Variants in IL17REL observed in about 807,000 individuals in gnomAD.
IL17REL encodes interleukin-17 receptor E-like protein.
Under a neutral mutation model 49.0 loss-of-function variants are expected in IL17REL, and 36 were observed. The ratio of observed to expected loss-of-function variants is 0.73; its 90% confidence interval spans 0.56 to 0.97. The LOEUF (loss-of-function observed/expected upper bound fraction) is 0.97, where lower values mean the gene tolerates loss of function less well. Ranked by LOEUF, IL17REL falls within the 50% of genes least tolerant of loss-of-function variation. The pLI, the probability that IL17REL is intolerant of heterozygous loss-of-function variation, is 0.00. For missense variants in IL17REL, 470 were observed against 453.9 expected (o/e 1.04, Z -0.32); for synonymous variants, 206 against 192.4 (o/e 1.07, Z -0.58).
chr22:49,999,807 G>C, intron 5 of IL17REL, 21 bp downstream of exon 7: 1 of 1,486,636 alleles, frequency 6.7e-7, no homozygotes, highest in Non-Finnish European at 9.0e-7. Context: ...GCTGACCGGG[G>C]CCCGGGGCGC....
chr22:50,005,535 C>T (rs1286115168), intron 1 of IL17REL, among the ~76,000 whole-genome samples: 1 of 152,142 alleles, frequency 6.6e-6, no homozygotes, highest in Non-Finnish European at 1.5e-5. Context: ...GGCGCGGTGG[C>T]TCACGCCTGT....
chr22:50,001,201 C>T (rs745893301), exon 2 of IL17REL: 10 of 1,553,430 alleles, frequency 6.4e-6, no homozygotes, highest in Middle Eastern at 1.7e-4. Flanking sequence ...GGACACGGGG[C>T]GTGGCCGGCA....
chr22:50,007,551 G>T (rs2061116818), intron 1 of IL17REL, among the ~76,000 whole-genome samples: 1 of 151,862 alleles, frequency 6.6e-6, no homozygotes, highest in African/African-American at 2.4e-5. Flanking sequence ...TTTTGGGGGG[G>T]GGATTCTTAG....
chr22:50,012,155 A>G (rs1041161408), upstream of IL17REL, among the ~76,000 whole-genome samples: 6 of 152,132 alleles, frequency 3.9e-5, no homozygotes, highest in Non-Finnish European at 7.4e-5. Flanking sequence ...CATTCTCAGC[A>G]CGTTCTCCGA....
At chr22:50,002,917 A>C (rs1162146412) in intron 1 of IL17REL, among the ~76,000 whole-genome samples, 1 of 152,178 alleles carries the variant, frequency 6.6e-6, no homozygotes, top group Non-Finnish European at 1.5e-5. Context: ...TTTCAAGACA[A>C]GTGGGCGTGA....
rs200958270 is a variant in IL17REL, at chr22:49,999,850, T to C, written c.452A>G (p.Glu151Gly). 10,383 of 1,523,566 alleles carry C rather than the reference T, an allele frequency of 6.8e-3. 94 individuals are homozygous for C. The highest frequency in any genetic ancestry group is 0.021 in the South Asian group (1,678 of 80,984). 94.4% of individuals were successfully genotyped at this position (1,523,566 alleles called of 1,614,324 possible). ...CACTCGCACAGGGGCGCCGGCGTCCTCGCAGGTGAACCGCTTGAGGCAGAG... is the reference window on the plus strand; with the variant it reads ...CACTCGCACAGGGGCGCCGGCGTCCCCGCAGGTGAACCGCTTGAGGCAGAG... Residue 151 changes from glutamate to glycine, a missense_variant, in exon 5 of 13, where the codon GAG becomes GGG. Transcript: ENST00000341280.
At chr22:49,994,419 G>A (rs2061021745), downstream of IL17REL, 1 of 152,300 alleles carries the variant, frequency 6.6e-6, no homozygotes, top group Non-Finnish European at 1.5e-5. Context: ...ACGCCTTTGG[G>A]GTGCTCTTGG....
exon 12 of IL17REL, chr22:49,997,029 T>A: frequency 6.4e-7 from 1 of 1,553,252 alleles, no homozygotes; most frequent in African/African-American, 1.4e-5. Context: ...GCCTCCTCCC[T>A]GGGAAGGTCT....
At chr22:50,005,979 G>A (rs947309085) in intron 1 of IL17REL, among the ~76,000 whole-genome samples, 4 of 151,980 alleles carry the variant, frequency 2.6e-5, no homozygotes, top group African/African-American at 9.7e-5. Context: ...TCCTAGAAAC[G>A]TAGGAGAGCT....
downstream of IL17REL, among the ~76,000 whole-genome samples, chr22:49,994,011 C>T (rs1601882361): frequency 6.6e-6 from 1 of 151,924 alleles, no homozygotes; most frequent in African/African-American, 2.4e-5. Context: ...CCACTGTGCC[C>T]CTGACCTCCC....
chr22:49,998,679 G>A (rs2061053095), intron 7 of IL17REL, among the ~76,000 whole-genome samples: 1 of 150,014 alleles, frequency 6.7e-6, no homozygotes, highest in Non-Finnish European at 1.5e-5. Context: ...GTGTGCGTGA[G>A]TGTGCCTGCC....
rs1169207390 is a variant in IL17REL at position 49,996,798 on chromosome 22, C to T, written c.*107G>A. 1.2e-5 allele frequency: 6 copies of T among 512,520 alleles called. No individual in the cohort carries two copies. In the East Asian group the frequency reaches 2.0e-4, roughly 17 times the overall value. The allele number at this position is 512,520 out of a possible 1,614,324, so 31.7% of individuals were successfully genotyped here. On this transcript the variant is annotated 3_prime_UTR_variant, in exon 13 of 13. Transcript: ENST00000341280. ...TCCTGCGGCCCCTGAGAGATGGGCACCCACTGGAGCGGAGGTTGCAGAGCT... is the reference window on the plus strand; with the variant it reads ...TCCTGCGGCCCCTGAGAGATGGGCATCCACTGGAGCGGAGGTTGCAGAGCT...
chr22:50,012,264 G>A (rs1216788392), upstream of IL17REL, among the ~76,000 whole-genome samples: 2 of 152,252 alleles, frequency 1.3e-5, no homozygotes, highest in Non-Finnish European at 2.9e-5. Flanking sequence ...GGATGGGCTT[G>A]CGGGCTGCCC....
At chr22:49,999,380 A>G (rs375620326) in intron 6 of IL17REL, 35 bp from the exon 9 acceptor site, 11 of 1,612,612 alleles carry the variant, frequency 6.8e-6, no homozygotes, top group African/African-American at 6.7e-5. Context: ...CAGCCCACCC[A>G]TCCCTGTGCT....
At chr22:49,994,303 C>T (rs1336970500), downstream of IL17REL, among the ~76,000 whole-genome samples, 8 of 60,296 alleles carry the variant, frequency 1.3e-4, no homozygotes, top group African/African-American at 5.1e-4. Flanking sequence ...GATGTCTGGT[C>T]ACACCATGTG....
At chr22:49,992,451 AG>A (rs1452416030), downstream of IL17REL, among the ~76,000 whole-genome samples, 3 of 152,184 alleles carry the variant, frequency 2.0e-5, no homozygotes, top group Non-Finnish European at 4.4e-5. Context: ...CTATTGAAAT[AG>A]GGTCTTGCTC....
In IL17REL at chr22:50,006,954, C is replaced by CAA. The variant is rs34032002; in HGVS notation, c.-42+1681_-42+1682dup. Among the ~76,000 whole-genome samples the CAA allele has an allele frequency of 9.0e-3, 920 of 101,690 alleles. 8 individuals are homozygous for CAA. The highest frequency in any genetic ancestry group is 0.02 in the African/African-American group (586 of 28,998). 66.7% of individuals were successfully genotyped at this position (101,690 alleles called of 152,430 possible). On this transcript the variant is annotated intron_variant, in intron 1 of 12. Coordinates refer to ENST00000341280, the Ensembl canonical transcript of IL17REL. ...TGGGCAAAACAGTGAGACTCTGTCT[C>CAA]AAAAAAAAAAAAAAAAAGGGAGGGG...
At chr22:49,992,237 G>A (rs185076652), downstream of IL17REL, among the ~76,000 whole-genome samples, 87 of 152,206 alleles carry the variant, frequency 5.7e-4, no homozygotes, top group Middle Eastern at 3.4e-3. Flanking sequence ...TCACACTTGC[G>A]TGCCAGGACA....
At chr22:50,004,537 A>C (rs1034414854) in intron 1 of IL17REL, among the ~76,000 whole-genome samples, 2 of 152,016 alleles carry the variant, frequency 1.3e-5, no homozygotes, top group African/African-American at 4.8e-5. Flanking sequence ...TCTTCAGAGA[A>C]ATGACTGTGC....
Sources: allele counts gnomAD v4.1 joint callset (sites outside exome capture counted in the v4.1 genomes callset), GRCh38; gene constraint gnomAD v4.1.1; transcripts MANE v1.5; gene names NCBI Gene and HGNC (gene_info 2026-07-23, HGNC 2026-07-21).